The following RNF111 variants were observed in gnomAD, a reference collection of about 807,000 sequenced individuals.
RNF111 encodes the protein E3 ubiquitin-protein ligase Arkadia.
RNF111 carries 17 observed loss-of-function variants against 95.1 expected under a neutral mutation model. The observed-to-expected ratio is 0.18, with a 90% CI of 0.12 to 0.27. The LOEUF is 0.27. Among genes scored for constraint, RNF111 ranks in the 10% least tolerant of loss-of-function variants. The pLI, the probability that RNF111 is intolerant of heterozygous loss-of-function variation, is 1.00. For synonymous variants in RNF111, 440 were observed against 414.8 expected (o/e 1.06, Z -0.74); for missense variants, 1,189 against 1,210.4 (o/e 0.98, Z 0.26).
intron 1 of RNF111, among the ~76,000 whole-genome samples, chr15:59,009,877 G>C (rs2039712934): frequency 6.6e-6 from 1 of 152,112 alleles, no homozygotes; most frequent in African/African-American, 2.4e-5. Context: ...GATCACTTGA[G>C]CCCAGGAAGT....
intron 1 of RNF111, among the ~76,000 whole-genome samples, chr15:59,009,786 C>T (rs1457900220): frequency 1.3e-5 from 2 of 151,942 alleles, no homozygotes; most frequent in African/African-American, 4.8e-5. Context: ...AAAACCTCGT[C>T]TCTGCAAAAA....
intron 1 of RNF111, among the ~76,000 whole-genome samples, chr15:59,014,299 C>T (rs1277286586): frequency 6.6e-6 from 1 of 152,106 alleles, no homozygotes; most frequent in Admixed American, 6.6e-5. Context: ...AGCTGTTTTG[C>T]CAAGAAACCT....
chr15:58,994,907 A>T (rs972554571), intron 1 of RNF111, among the ~76,000 whole-genome samples: 14 of 152,236 alleles, frequency 9.2e-5, no homozygotes, highest in African/African-American at 2.9e-4. Flanking sequence ...AAAATTCAGA[A>T]AATTAAACTT....
intron 1 of RNF111, among the ~76,000 whole-genome samples, chr15:58,993,354 C>G (rs2038903837): frequency 6.6e-6 from 1 of 150,538 alleles, no homozygotes; most frequent in African/African-American, 2.4e-5. Context: ...ACTAAAAACA[C>G]AAAAATAAAA....
At chr15:58,993,572 TC>T (rs1479022293) in intron 1 of RNF111, among the ~76,000 whole-genome samples, 1 of 152,192 alleles carries the variant, frequency 6.6e-6, no homozygotes, top group Non-Finnish European at 1.5e-5. Context: ...AAGTGTCTGT[TC>T]CCTTCCACGC....
At chr15:59,016,865 C>T (rs1035498768) in intron 1 of RNF111, among the ~76,000 whole-genome samples, 3 of 152,078 alleles carry the variant, frequency 2.0e-5, no homozygotes, top group African/African-American at 4.8e-5. Context: ...GTTCTGCTTC[C>T]TGTCAGATCA....
chr15:59,053,222 T>C (rs1238998543), intron 3 of RNF111, among the ~76,000 whole-genome samples: 1 of 152,202 alleles, frequency 6.6e-6, no homozygotes, highest in Non-Finnish European at 1.5e-5. Flanking sequence ...TTTTTATAAA[T>C]AACTGGAAAA....
chr15:58,991,536 G>T (rs564892272), intron 1 of RNF111, among the ~76,000 whole-genome samples: 11 of 152,182 alleles, frequency 7.2e-5, no homozygotes, highest in Non-Finnish European at 1.5e-4. Context: ...ATGTGATACG[G>T]CATGGATGGA....
intron 6 of RNF111, among the ~76,000 whole-genome samples, chr15:59,068,203 GA>G (rs1169336994): frequency 9.2e-5 from 14 of 152,118 alleles, no homozygotes; most frequent in African/African-American, 2.9e-4. Flanking sequence ...CTGGGCGACA[GA>G]GTGAGATGCT....
chr15:59,007,907 C>G (rs1313048529), intron 1 of RNF111, among the ~76,000 whole-genome samples: 1 of 152,148 alleles, frequency 6.6e-6, no homozygotes, highest in East Asian at 1.9e-4. Flanking sequence ...TGTATACACA[C>G]ACAAACACAT....
chr15:59,031,307 C>A lies in RNF111; in HGVS notation c.485C>A (p.Ser162Tyr), dbSNP rs769340593. 6.2e-7 allele frequency: 1 copy of A among 1,614,140 alleles called. No individual in the cohort carries two copies. The highest frequency in any genetic ancestry group is 8.5e-7 in the Non-Finnish European group (1 of 1,180,018). Residue 162 changes from serine to tyrosine, a missense_variant, in exon 2 of 14, where the codon TCT becomes TAT. Ser to Tyr is a moderately radical substitution (Grantham distance 144, BLOSUM62 -2). Transcript: ENST00000348370. ...ACTTCAGATGAGGATAAAGAAGTCTCTGTAAGACATTCCCAGACCATTTTG... is the reference window on the plus strand; with the variant it reads ...ACTTCAGATGAGGATAAAGAAGTCTATGTAAGACATTCCCAGACCATTTTG... ...TVTSDEDKEV[S>Y]VRHSQTILNA...
At chr15:59,011,699 C>G (rs1228334764) in intron 1 of RNF111, among the ~76,000 whole-genome samples, 1 of 152,138 alleles carries the variant, frequency 6.6e-6, no homozygotes, top group African/African-American at 2.4e-5. Flanking sequence ...CTTTTAAGGA[C>G]TCCAGTCAGA....
chr15:59,036,148 T>C (rs1232017888), intron 2 of RNF111, among the ~76,000 whole-genome samples: 1 of 152,096 alleles, frequency 6.6e-6, no homozygotes, highest in Admixed American at 6.6e-5. Flanking sequence ...TGATCTTGGC[T>C]CACTGCAACC....
chr15:58,993,468 G>C (rs1430766587), intron 1 of RNF111, among the ~76,000 whole-genome samples: 1 of 152,186 alleles, frequency 6.6e-6, no homozygotes, highest in African/African-American at 2.4e-5. Flanking sequence ...AACCCAGGAG[G>C]TGGAGGTTGC....
At chr15:59,052,988 G>A (rs969402036) in intron 3 of RNF111, among the ~76,000 whole-genome samples, 2 of 151,976 alleles carry the variant, frequency 1.3e-5, no homozygotes, top group African/African-American at 4.8e-5. Flanking sequence ...ATTGGGGATG[G>A]TACCAAATTA....
intron 11 of RNF111, among the ~76,000 whole-genome samples, chr15:59,090,206 T>G (rs2079011097): frequency 7.3e-6 from 1 of 136,880 alleles, no homozygotes; most frequent in African/African-American, 2.8e-5. Context: ...TGTGGTTTGT[T>G]TTTTTGTTTG....
chr15:58,992,836 T>C (rs1257670273), intron 1 of RNF111, among the ~76,000 whole-genome samples: 1 of 151,782 alleles, frequency 6.6e-6, no homozygotes, highest in East Asian at 1.9e-4. Flanking sequence ...AATAAGTAAA[T>C]GAAATAAAAT....
In RNF111 at chr15:59,094,844, A is replaced by G; in HGVS notation, c.2905A>G (p.Lys969Glu). The change falls in exon 14 of 14, where the codon AAG becomes GAG. Residue 969 changes from lysine to glutamate, a missense_variant. By Grantham distance (56) the Lys-to-Glu change is moderately conservative. This residue lies in a region of RNF111 where 165 missense variants were observed against 284.6 expected (regional missense o/e 0.58). Transcript: ENST00000348370. ...TGTTGACCAATGGTTGATTACCAAT[A>G]AGAAGTGCCCCATATGCAGAGTGGA... ...VCVDQWLITN[K>E]KCPICRVDIE... 2 of 1,613,602 alleles carry G rather than the reference A, an allele frequency of 1.2e-6. No individual in the cohort carries two copies. The highest frequency in any genetic ancestry group is 1.7e-6 in the Non-Finnish European group (2 of 1,179,634).
chr15:59,029,431 C>A (rs2040799092), intron 1 of RNF111, among the ~76,000 whole-genome samples: 1 of 152,176 alleles, frequency 6.6e-6, no homozygotes, highest in Non-Finnish European at 1.5e-5. Flanking sequence ...CGCGTGATGG[C>A]TGATCTTGGA....
Sources: gnomAD v4.1 joint callset for allele counts (sites outside exome capture counted in the v4.1 genomes callset) on GRCh38, gnomAD v4.1.1 for gene constraint, gnomAD v4.1.1 regional missense constraint, MANE v1.5 for transcripts, NCBI Gene and HGNC (gene_info 2026-07-23, HGNC 2026-07-21) for gene names.